The following CAMK4 variants were observed in gnomAD, a reference collection of about 807,000 sequenced individuals.
The protein encoded by CAMK4 is calcium/calmodulin-dependent protein kinase type IV.
A neutral mutation model predicts 44.9 loss-of-function variants in CAMK4; 22 were observed. That is an observed-to-expected ratio of 0.49 (90% CI 0.35 to 0.70). The LOEUF is 0.70. Among genes scored for constraint, CAMK4 ranks in the 30% least tolerant of loss-of-function variants. The probability of loss-of-function intolerance (pLI) is 0.01; values close to 1 mark genes in which losing one functional copy is unlikely to be tolerated. For missense variants in CAMK4, 498 were observed against 586.8 expected (o/e 0.85, Z 1.56); for synonymous variants, 218 against 215.4 (o/e 1.01, Z -0.11).
chr5:111,335,611 A>C (rs1438153852), intron 1 of CAMK4, among the ~76,000 whole-genome samples: 1 of 151,392 alleles, frequency 6.6e-6, no homozygotes, highest in African/African-American at 2.4e-5. Context: ...ACAGATGAAG[A>C]GCCCCTTTCT....
At chr5:111,326,308 G>A (rs1325198654) in intron 1 of CAMK4, among the ~76,000 whole-genome samples, 1 of 151,782 alleles carries the variant, frequency 6.6e-6, no homozygotes, top group East Asian at 1.9e-4. Flanking sequence ...AAGATATTAT[G>A]AACAAATAAC....
At chr5:111,436,043 T>C (rs915091277) in intron 5 of CAMK4, among the ~76,000 whole-genome samples, 2 of 152,230 alleles carry the variant, frequency 1.3e-5, no homozygotes, top group East Asian at 3.9e-4. Flanking sequence ...TAGCTTTTTC[T>C]GTTCATTTTT....
intron 1 of CAMK4, among the ~76,000 whole-genome samples, chr5:111,235,876 C>T (rs1748689762): frequency 6.6e-6 from 1 of 152,252 alleles, no homozygotes; most frequent in South Asian, 2.1e-4. Flanking sequence ...GTGGGTGAGG[C>T]AGCTACTCAG....
chr5:111,318,173 T>A (rs1247968949), intron 1 of CAMK4, among the ~76,000 whole-genome samples: 1 of 152,162 alleles, frequency 6.6e-6, no homozygotes, highest in Non-Finnish European at 1.5e-5. Context: ...GTGTGTTATC[T>A]ATCTATGACA....
intron 5 of CAMK4, among the ~76,000 whole-genome samples, chr5:111,421,434 A>C (rs187661044): frequency 3.9e-5 from 6 of 152,298 alleles, no homozygotes; most frequent in Admixed American, 2.0e-4. Context: ...TGGGCAGGGC[A>C]ATTTCTTTAT....
At chr5:111,282,981 G>C (rs1751085358) in intron 1 of CAMK4, 1 of 152,190 alleles carries the variant, frequency 6.6e-6, no homozygotes, top group South Asian at 2.1e-4. Context: ...GGCTGACTGG[G>C]AGCTGTAGTT....
chr5:111,378,920 A>G (rs1026527853), intron 4 of CAMK4, among the ~76,000 whole-genome samples: 2 of 152,180 alleles, frequency 1.3e-5, no homozygotes, highest in Non-Finnish European at 2.9e-5. Flanking sequence ...GTCCTCAAGC[A>G]AGAGTCTCCT....
chr5:111,482,329 G>A lies in CAMK4; in HGVS notation c.829-456G>A, dbSNP rs183279177. On this transcript the variant is annotated intron_variant, in intron 9 of 10. Coordinates refer to ENST00000282356, the MANE Select transcript of CAMK4 (RefSeq NM_001744.6). This position sits in a 1 kb window ranked among gnomAD's most constrained non-coding sequence, Gnocchi z 4.9. ...AGAAACATAAGGTAGTATTCCATAA[G>A]TTCTGGGATACTCTCCCTTTTGTTT... 6.1e-3 allele frequency: 933 copies of A among 152,824 alleles called. 2 individuals are homozygous for A. Among genetic ancestry groups the A allele is most frequent in the Non-Finnish European group, 8.8e-3 (603 of 68,464 alleles). 9.5% of individuals were successfully genotyped at this position (152,824 alleles called of 1,614,324 possible).
chr5:111,433,002 A>G (rs1441569552), intron 5 of CAMK4, among the ~76,000 whole-genome samples: 5 of 152,156 alleles, frequency 3.3e-5, no homozygotes, highest in African/African-American at 7.2e-5. Context: ...ATATTTGACT[A>G]TGGATAAAAA....
Position 111,305,802 on chromosome 5 carries a change from A to G in CAMK4, c.162-38222A>G, listed in dbSNP as rs1323122884. Among the ~76,000 whole-genome samples, 4 of 134,150 alleles carry G rather than the reference A, an allele frequency of 3.0e-5. No individual in the cohort carries two copies. In the Admixed American group the frequency reaches 3.2e-4, roughly 11 times the overall value. The allele number at this position is 134,150 out of a possible 152,430, so 88.0% of individuals were successfully genotyped here. On this transcript the variant is annotated intron_variant, in intron 1 of 10. Coordinates refer to ENST00000282356, the MANE Select transcript of CAMK4 (RefSeq NM_001744.6). ...GGGCAGAGACACAACCAAAAAAGAG[A>G]ATTTTAGACCAATATCCTTGATGAA...
chr5:111,314,933 T>G (rs1328714010), intron 1 of CAMK4, among the ~76,000 whole-genome samples: 2 of 152,022 alleles, frequency 1.3e-5, no homozygotes, highest in Non-Finnish European at 1.5e-5. Flanking sequence ...GATAATGGAT[T>G]TGATATCAAA....
intron 2 of CAMK4, among the ~76,000 whole-genome samples, chr5:111,358,896 A>G (rs563959527): frequency 4.2e-4 from 64 of 152,228 alleles, no homozygotes; most frequent in African/African-American, 1.4e-3. Flanking sequence ...TGTTCCTGCA[A>G]AGGACATTAT....
chr5:111,292,519 G>A (rs528954175), intron 1 of CAMK4, among the ~76,000 whole-genome samples: 1 of 152,006 alleles, frequency 6.6e-6, no homozygotes, highest in Non-Finnish European at 1.5e-5. Context: ...AATGGTGAAA[G>A]CAAGACTATA....
intron 1 of CAMK4, among the ~76,000 whole-genome samples, chr5:111,325,193 G>A (rs1257958917): frequency 1.3e-5 from 2 of 151,782 alleles, no homozygotes; most frequent in African/African-American, 2.4e-5. Context: ...CCTTTTTTAT[G>A]ACTATATTGT....
At chr5:111,398,945 C>T (rs1474149584) in intron 5 of CAMK4, among the ~76,000 whole-genome samples, 3 of 152,184 alleles carry the variant, frequency 2.0e-5, no homozygotes, top group African/African-American at 4.8e-5. Context: ...GCCCTAGTTT[C>T]AGTCTGCATA....
At chr5:111,251,810 G>A (rs1159389095) in intron 1 of CAMK4, among the ~76,000 whole-genome samples, 1 of 152,164 alleles carries the variant, frequency 6.6e-6, no homozygotes, top group African/African-American at 2.4e-5. Flanking sequence ...GGTACACAAG[G>A]TACATTGAGG....
At chr5:111,471,163 A>G (rs1755051994) in intron 7 of CAMK4, among the ~76,000 whole-genome samples, 2 of 152,190 alleles carry the variant, frequency 1.3e-5, no homozygotes, top group Admixed American at 1.3e-4. Context: ...TGAAAGCTCT[A>G]TTTTTGTCTG....
rs1261372715 is a variant in CAMK4, at chr5:111,411,249, T to C, written c.459+16467T>C. Among the ~76,000 whole-genome samples the C allele has an allele frequency of 3.9e-5, 6 of 152,196 alleles. No homozygotes were observed. In the East Asian group the frequency reaches 1.2e-3, roughly 29 times the overall value. The stretch of plus-strand genomic sequence containing the variant: ...AGTTAGCATCCAGCATCTTATTTTA[T>C]GTGAGTGGCTTTCTCTGAGAGCCAA... On this transcript the variant is annotated intron_variant, in intron 5 of 10. Transcript: ENST00000282356.
chr5:111,452,780 A>C (rs1389030022), intron 7 of CAMK4, among the ~76,000 whole-genome samples: 1 of 152,196 alleles, frequency 6.6e-6, no homozygotes, highest in African/African-American at 2.4e-5. Flanking sequence ...ATGAGGAAAC[A>C]GAAATAAGAG....
Sources: allele counts gnomAD v4.1 joint callset (sites outside exome capture counted in the v4.1 genomes callset), GRCh38; gene constraint gnomAD v4.1.1; non-coding constraint Gnocchi (gnomAD v3.1); transcripts MANE v1.5; gene names NCBI Gene and HGNC (gene_info 2026-07-23, HGNC 2026-07-21).